Variants in LCOR observed in about 807,000 individuals in gnomAD.
The protein encoded by LCOR is ligand-dependent corepressor.
In LCOR, 14 loss-of-function variants were observed where a neutral mutation model predicts 64.4. The observed-to-expected ratio is 0.22, with a 90% CI of 0.14 to 0.34. The LOEUF is 0.34. LCOR is among the 10% of genes least tolerant of loss of function. The pLI is 1.00. For synonymous variants in LCOR, 643 were observed against 642.5 expected, an observed-to-expected ratio of 1.00 and a Z score of -0.01; for missense variants, 1,686 against 1,765.3, an observed-to-expected ratio of 0.96 and a Z score of 0.80.
intron 7 of LCOR, among the ~76,000 whole-genome samples, chr10:96,952,565 TTG>T (rs34711150): frequency 0.34 from 51,849 of 150,466 alleles, 15,187 homozygotes; most frequent in African/African-American, 0.79. Context: ...CTAGTGGGGT[TTG>T]TGTGTGTGTG....
intron 2 of LCOR, among the ~76,000 whole-genome samples, chr10:96,896,176 T>C (rs888335106): frequency 2.6e-5 from 4 of 152,206 alleles, no homozygotes; most frequent in South Asian, 2.1e-4. Context: ...GTAGCACTTA[T>C]ATGGATGTTA....
chr10:96,901,972 A>G (rs957778372), intron 2 of LCOR, among the ~76,000 whole-genome samples: 5 of 152,074 alleles, frequency 3.3e-5, no homozygotes, highest in African/African-American at 9.7e-5. Flanking sequence ...GAGTTTTACC[A>G]TGTTGTCCAT....
At chr10:96,947,225 T>C (rs1234869400) in intron 5 of LCOR, among the ~76,000 whole-genome samples, 2 of 152,052 alleles carry the variant, frequency 1.3e-5, no homozygotes, top group Non-Finnish European at 2.9e-5. Flanking sequence ...TCTCTATTTA[T>C]AGAGAGGAAA....
intron 2 of LCOR, among the ~76,000 whole-genome samples, chr10:96,867,956 C>T (rs1225418461): frequency 6.6e-6 from 1 of 152,050 alleles, no homozygotes; most frequent in Non-Finnish European, 1.5e-5. Flanking sequence ...ATGATCTTGG[C>T]TCACTGCAAC....
chr10:96,855,976 T>G (rs1213855501), intron 2 of LCOR, among the ~76,000 whole-genome samples: 2 of 152,030 alleles, frequency 1.3e-5, no homozygotes, highest in Non-Finnish European at 2.9e-5. Context: ...ACTCCCGACC[T>G]CAGGTGATCC....
chr10:96,957,605 T>G, intron 7 of LCOR: 2 of 985,384 alleles, frequency 2.0e-6, no homozygotes, highest in Non-Finnish European at 2.4e-6. Context: ...ATTGGAGGGT[T>G]GGTTAGATTG....
Position 96,982,312 on chromosome 10 carries a change from T to C in LCOR, c.1852T>C (p.Trp618Arg). 6.2e-7 allele frequency: 1 copy of C among 1,614,190 alleles called. No individual in the cohort carries two copies. Among genetic ancestry groups the C allele is most frequent in the African/African-American group, 1.3e-5 (1 of 75,060 alleles). Residue 618 changes from tryptophan (W) to arginine (R), a missense_variant, in exon 8 of 8, where the codon TGG (tryptophan) becomes CGG (arginine). Physicochemically the swap from Trp to Arg is moderately radical, Grantham distance 101 (BLOSUM62 -3). Coordinates refer to ENST00000421806, the MANE Select transcript of LCOR (RefSeq NM_001346516.2). ...GGAAACGACAGCCTCCAGCCTGGTG[T>C]GGCCTCTCCCTGCTCACCTTCCTGA... ...SEETTASSLVWPLPAHLPEED... is the reference protein window; with the variant it reads ...SEETTASSLVRPLPAHLPEED...
chr10:96,836,052 A>C (rs939660639), intron 2 of LCOR, among the ~76,000 whole-genome samples: 1 of 152,104 alleles, frequency 6.6e-6, no homozygotes, highest in African/African-American at 2.4e-5. Context: ...TAATGTGGGG[A>C]AAGTTGTGGT....
At chr10:96,852,497 G>A (rs1564603193) in intron 2 of LCOR, among the ~76,000 whole-genome samples, 1 of 152,204 alleles carries the variant, frequency 6.6e-6, no homozygotes, top group Admixed American at 6.5e-5. Flanking sequence ...AATGAATCTT[G>A]TGTTTAGACT....
chr10:96,895,393 A>G (rs1177345166), intron 2 of LCOR, among the ~76,000 whole-genome samples: 3 of 152,136 alleles, frequency 2.0e-5, no homozygotes, highest in African/African-American at 4.8e-5. Context: ...TATACCCTCT[A>G]TGGGGTCACT....
intron 1 of LCOR, chr10:96,833,113 G>C (rs1845375180): frequency 1.0e-6 from 1 of 985,554 alleles, no homozygotes; most frequent in South Asian, 4.7e-5. Flanking sequence ...CTCGACGCAC[G>C]GGTCGGTGTG....
chr10:96,865,162 T>C (rs1191831208), intron 2 of LCOR, among the ~76,000 whole-genome samples: 1 of 152,196 alleles, frequency 6.6e-6, no homozygotes, highest in African/African-American at 2.4e-5. Flanking sequence ...AATTTCCCTC[T>C]TAAGACTCAT....
At chr10:96,853,723 T>C (rs566977930) in intron 2 of LCOR, among the ~76,000 whole-genome samples, 136 of 152,322 alleles carry the variant, frequency 8.9e-4, no homozygotes, top group South Asian at 2.1e-3. Context: ...CCACGTATTT[T>C]AGTCTGTTCT....
At chr10:96,909,044 A>G (rs1351050413) in intron 4 of LCOR, among the ~76,000 whole-genome samples, 1 of 152,094 alleles carries the variant, frequency 6.6e-6, no homozygotes, top group Non-Finnish European at 1.5e-5. Flanking sequence ...CTTAACTTAA[A>G]TCATTGACCA....
At chr10:96,901,730 G>T (rs1210436914) in intron 2 of LCOR, among the ~76,000 whole-genome samples, 1 of 151,870 alleles carries the variant, frequency 6.6e-6, no homozygotes, top group Non-Finnish European at 1.5e-5. Context: ...ACAATATTAG[G>T]CCATTTCTTC....
At chr10:96,836,829 G>C (rs934080920) in intron 2 of LCOR, among the ~76,000 whole-genome samples, 15 of 152,300 alleles carry the variant, frequency 9.8e-5, no homozygotes, top group Admixed American at 6.5e-4. Flanking sequence ...CACATGATAG[G>C]TTTGCAAAGG....
chr10:96,897,267 TA>T (rs1417514061), intron 2 of LCOR, among the ~76,000 whole-genome samples: 5 of 152,080 alleles, frequency 3.3e-5, no homozygotes, highest in Non-Finnish European at 7.4e-5. Context: ...TAAAAAAGAG[TA>T]GTTAGTGGCT....
chr10:96,982,765 G>A lies in LCOR; in HGVS notation c.2305G>A (p.Gly769Ser). Residue 769 changes from glycine (G) to serine (S), a missense_variant, in exon 8 of 8, where the codon GGT becomes AGT. Around this residue, in one of 3 missense-constraint regions of LCOR, gnomAD observed 1,293 missense variants for 1,410.4 expected, o/e 0.92. Coordinates refer to ENST00000421806, the MANE Select transcript of LCOR (RefSeq NM_001346516.2). Reference protein sequence around the residue: ...SETEESEAAGGIGKLEGEDGD... With the variant: ...SETEESEAAGSIGKLEGEDGD... ...AACTGAGGAAAGTGAGGCAGCAGGT[G>A]GTATAGGAAAATTAGAGGGAGAGGA... is the stretch of plus-strand genomic sequence containing the variant. 1 of 1,614,136 alleles carries A rather than the reference G, an allele frequency of 6.2e-7. No homozygotes were observed.
rs562291312 is a variant in LCOR at position 96,866,947 on chromosome 10, T to C, written c.-330+33468T>C. Among the ~76,000 whole-genome samples, 171 of 152,306 alleles carry C rather than the reference T, an allele frequency of 1.1e-3. 2 individuals are homozygous for C. Among genetic ancestry groups the C allele is most frequent in the Admixed American group, 2.0e-3 (30 of 15,286 alleles). On this transcript the variant is annotated intron_variant, in intron 2 of 7. Coordinates refer to ENST00000421806, the MANE Select transcript of LCOR (RefSeq NM_001346516.2). ...CAACAATGTATGAGAGATTGGTTTT[T>C]CCACATTTTGCCAGATTTTTCGTAT...
Sources: gnomAD v4.1 joint callset for allele counts (sites outside exome capture counted in the v4.1 genomes callset) on GRCh38, gnomAD v4.1.1 for gene constraint, gnomAD v4.1.1 regional missense constraint, MANE v1.5 for transcripts, NCBI Gene and HGNC (gene_info 2026-07-23, HGNC 2026-07-21) for gene names.